The following EML4 variants were observed in gnomAD, a reference collection of about 807,000 sequenced individuals.
EML4 encodes echinoderm microtubule-associated protein-like 4.
Under a neutral mutation model 129.0 loss-of-function variants are expected in EML4, and 72 were observed. That is an observed-to-expected ratio of 0.56 (90% CI 0.46 to 0.68). The LOEUF is 0.68. Among genes scored for constraint, EML4 ranks in the 30% least tolerant of loss-of-function variants. EML4 has a pLI of 0.00. For synonymous variants in EML4, 532 were observed against 405.0 expected, an observed-to-expected ratio of 1.31 and a Z score of -3.77; for missense variants, 1,363 against 1,190.6, an observed-to-expected ratio of 1.14 and a Z score of -2.13.
intron 1 of EML4, among the ~76,000 whole-genome samples, chr2:42,219,059 C>G (rs1221036658): frequency 6.6e-6 from 1 of 152,218 alleles, no homozygotes. Flanking sequence ...CTTGTTTCAT[C>G]AGTGACATCA....
intron 1 of EML4, among the ~76,000 whole-genome samples, chr2:42,198,383 T>G (rs943407771): frequency 6.6e-6 from 1 of 152,018 alleles, no homozygotes; most frequent in African/African-American, 2.4e-5. Flanking sequence ...GAAGGCTTGG[T>G]GTTTAACTCA....
chr2:42,301,850 C>A (rs1165038395), intron 14 of EML4, among the ~76,000 whole-genome samples: 1 of 152,090 alleles, frequency 6.6e-6, no homozygotes, highest in East Asian at 1.9e-4. Context: ...TCAGTTCATA[C>A]TGAAAATGCA....
intron 2 of EML4, among the ~76,000 whole-genome samples, chr2:42,253,937 A>G (rs1252528650): frequency 1.3e-5 from 2 of 152,232 alleles, no homozygotes; most frequent in African/African-American, 4.8e-5. Flanking sequence ...AAATTTAAAA[A>G]TCTTGTTCTT....
rs940256978 is a variant in EML4, at chr2:42,305,807, T to C, written c.1967+1256T>C. On this transcript the variant is annotated intron_variant, in intron 17 of 22. Transcript: ENST00000318522. ...TATTGTGAACATGCTTATGTAAATA[T>C]TTTTGTTTCTATATAAGACTTAAAT... Among the ~76,000 whole-genome samples, 6 of 152,328 alleles carry C rather than the reference T, an allele frequency of 3.9e-5. No individual in the cohort carries two copies. The South Asian group carries it at 1.2e-3, about 32-fold the overall frequency.
intron 6 of EML4, among the ~76,000 whole-genome samples, chr2:42,276,921 A>T (rs1395397187): frequency 6.6e-6 from 1 of 152,200 alleles, no homozygotes; most frequent in East Asian, 1.9e-4. Flanking sequence ...ATGCATTGCC[A>T]TTTTTATATC....
intron 20 of EML4, 161 bp from the exon 21 acceptor site, chr2:42,325,993 G>C: frequency 1.4e-6 from 1 of 695,430 alleles, no homozygotes. Flanking sequence ...TATAAACCCT[G>C]TTAAAGTGAA....
chr2:42,288,529 C>G, intron 11 of EML4: 1 of 318,888 alleles, frequency 3.1e-6, no homozygotes. Context: ...CAACTTGAAG[C>G]AATTTCAATA....
intron 13 of EML4, among the ~76,000 whole-genome samples, chr2:42,298,991 G>GGT (rs1668116729): frequency 6.6e-6 from 1 of 152,096 alleles, no homozygotes; most frequent in Non-Finnish European, 1.5e-5. Flanking sequence ...TCATCTCTCA[G>GGT]GTGTCCTCCC....
At chr2:42,246,721 A>G (rs557143383) in intron 2 of EML4, among the ~76,000 whole-genome samples, 4 of 152,336 alleles carry the variant, frequency 2.6e-5, no homozygotes, top group East Asian at 1.9e-4. Context: ...TTGAAGCCAT[A>G]GAGGATGTAA....
intron 1 of EML4, among the ~76,000 whole-genome samples, chr2:42,242,719 T>TTTCTC (rs149222934): frequency 6.6e-5 from 10 of 151,682 alleles, no homozygotes; most frequent in Admixed American, 2.6e-4. Context: ...TTCCTTTTCT[T>TTTCTC]TTCTCTTCTC....
At chr2:42,327,642 G>A (rs1271543407) in intron 21 of EML4, among the ~76,000 whole-genome samples, 1 of 152,130 alleles carries the variant, frequency 6.6e-6, no homozygotes, top group East Asian at 1.9e-4. Context: ...CTGGAAATCC[G>A]ACCTCTATGA....
intron 1 of EML4, among the ~76,000 whole-genome samples, chr2:42,232,476 C>T (rs1004079776): frequency 1.3e-5 from 2 of 152,152 alleles, no homozygotes; most frequent in East Asian, 1.9e-4. Context: ...AGTATAACGA[C>T]ATACAATCTG....
intron 11 of EML4, 42 bp from the exon 12 acceptor site, chr2:42,295,083 A>G (rs1192608180): frequency 2.0e-6 from 3 of 1,526,874 alleles, no homozygotes; most frequent in Admixed American, 2.2e-5. Flanking sequence ...TGAAGGAGAT[A>G]AGGATATACA....
chr2:42,238,331 A>G (rs1299924717), intron 1 of EML4, among the ~76,000 whole-genome samples: 2 of 152,340 alleles, frequency 1.3e-5, no homozygotes, highest in Admixed American at 6.5e-5. Flanking sequence ...CAAAAAGCTT[A>G]GTTATTCAAT....
chr2:42,317,031 C>G (rs946819979), intron 18 of EML4, among the ~76,000 whole-genome samples: 2 of 152,090 alleles, frequency 1.3e-5, no homozygotes, highest in African/African-American at 4.8e-5. Context: ...GGGAAGGACA[C>G]CACAAAAGAA....
At chr2:42,216,230 CTTTTTTTTTTTTTTT>C (rs61417977) in intron 1 of EML4, among the ~76,000 whole-genome samples, 1 of 43,356 alleles carries the variant, frequency 2.3e-5, no homozygotes, top group Non-Finnish European at 3.9e-5. Context: ...CGGCCCACTT[CTTTTTTTTTTTTTTT>C]TTTTTTTTTT....
chr2:42,303,229 G>C lies in EML4; in HGVS notation c.1767G>C (p.Gln589His), dbSNP rs1030900197. 1 of 1,614,102 alleles carries C rather than the reference G, an allele frequency of 6.2e-7. No homozygotes were observed. The highest frequency in any genetic ancestry group is 1.1e-5 in the South Asian group (1 of 91,068). Reference protein sequence around the residue: ...TFNDGFQIEVQGHTDELWGLA... With the variant: ...TFNDGFQIEVHGHTDELWGLA... ...ATGATGGCTTCCAAATAGAAGTACA[G>C]GTAAGCTGTGTGATATTAACCGTTA... Residue 589 changes from glutamine (Q) to histidine (H), a missense_variant and splice_region_variant, in exon 15 of 23, where the codon CAG becomes CAC. Coordinates refer to ENST00000318522, the MANE Select transcript of EML4 (RefSeq NM_019063.5).
intron 21 of EML4, 125 bp downstream of exon 21, chr2:42,326,377 G>GCCTCAGAGAA (rs1466347419): frequency 4.7e-6 from 3 of 634,954 alleles, no homozygotes; most frequent in Non-Finnish European, 7.9e-6. Flanking sequence ...ATTAATGTCA[G>GCCTCAGAGAA]CCTCAGAGAA....
At chr2:42,175,076 C>A (rs932815366) in intron 1 of EML4, among the ~76,000 whole-genome samples, 1 of 151,202 alleles carries the variant, frequency 6.6e-6, no homozygotes. Context: ...CTTGGCCTCC[C>A]TTACAGGTGT....
Sources: gnomAD v4.1 joint callset for allele counts (sites outside exome capture counted in the v4.1 genomes callset) on GRCh38, gnomAD v4.1.1 for gene constraint, MANE v1.5 for transcripts, NCBI Gene and HGNC (gene_info 2026-07-23, HGNC 2026-07-21) for gene names.